Variants in BBS7 observed in about 807,000 individuals in gnomAD.
BBS7 encodes Bardet-Biedl syndrome 7.
Under a neutral mutation model 90.3 loss-of-function variants are expected in BBS7, and 50 were observed. That is an observed-to-expected ratio of 0.55 (90% CI 0.44 to 0.70). BBS7 has a LOEUF of 0.70. Ranked by LOEUF, BBS7 falls within the 30% of genes least tolerant of loss-of-function variation. BBS7 has a pLI of 0.00. For synonymous variants in BBS7, 235 were observed against 287.4 expected (o/e 0.82, Z 1.85); for missense variants, 729 against 838.9 (o/e 0.87, Z 1.62).
At position 121,868,684 on chromosome 4, in the gene BBS7, CAAAAAAA is replaced by C. The variant is rs34910805; in HGVS notation, c.37-645_37-639del. Among the ~76,000 whole-genome samples the C allele has an allele frequency of 2.4e-4, 12 of 49,688 alleles. 1 individual carries two copies. Among genetic ancestry groups the C allele is most frequent in the Admixed American group, 5.8e-4 (2 of 3,468 alleles). The allele number at this position is 49,688 out of a possible 152,430, so 32.6% of individuals were successfully genotyped here. ...TGCGTGACAGAACAAGACCCTGTTT[CAAAAAAA>C]AAAAAAAAAAAAAAAAAAAAAAAAA... On this transcript the variant is annotated intron_variant, in intron 1 of 18. Transcript: ENST00000264499.
Position 121,828,221 on chromosome 4 carries a change from G to T in BBS7, c.1939C>A (p.His647Asn). Reference sequence around the variant, plus strand: ...TGATCTGCCTCTTCTAGAATACAGTGATATTCTGGTATCAGAAAGTTCGTA... The same window carrying T: ...TGATCTGCCTCTTCTAGAATACAGTTATATTCTGGTATCAGAAAGTTCGTA... ...GNTNFLIPEYHCILEEADHLQ... is the reference protein window; with the variant it reads ...GNTNFLIPEYNCILEEADHLQ... The change falls in exon 18 of 19, where the codon CAC becomes AAC. Residue 647 changes from histidine (H) to asparagine (N), a missense_variant. His to Asn is a moderately conservative substitution (Grantham distance 68, BLOSUM62 1). Transcript: ENST00000264499. 1.2e-6 allele frequency: 2 copies of T among 1,613,576 alleles called. No individual in the cohort carries two copies. Among genetic ancestry groups the T allele is most frequent in the Non-Finnish European group, 1.7e-6 (2 of 1,179,654 alleles).
At chr4:121,864,090 T>C (rs1578571861) in intron 2 of BBS7, among the ~76,000 whole-genome samples, 2 of 152,270 alleles carry the variant, frequency 1.3e-5, no homozygotes, top group East Asian at 3.9e-4. Flanking sequence ...GTATGCTCCT[T>C]ATGAGAATCT....
At chr4:121,842,251 CAA>C (rs1270788731) in intron 12 of BBS7, among the ~76,000 whole-genome samples, 41 of 66,650 alleles carry the variant, frequency 6.2e-4, no homozygotes, top group African/African-American at 1.3e-3. Flanking sequence ...GACTCCATCT[CAA>C]AAAAAAAAAA....
rs764244818 is a variant in BBS7, at chr4:121,828,669, A to G, written c.1736T>C (p.Val579Ala). The G allele has an allele frequency of 1.2e-6, 2 of 1,610,520 alleles. No homozygotes were observed. The highest frequency in any genetic ancestry group is 2.7e-5 in the African/African-American group (2 of 74,854). The change falls in exon 16 of 19, where the codon GTG becomes GCG. Residue 579 changes from valine to alanine, a missense_variant. By Grantham distance (64) the Val-to-Ala change is moderately conservative (BLOSUM62 0). Transcript: ENST00000264499. ...NISTISILKD[V>A]LSKEATKRKI... ...CCTTTTTGTAGCTTCTTTAGAAAGC[A>G]CATCTTTTAGGATGGAGATAGTAGA...
At chr4:121,866,671 T>A (rs778004611) in intron 2 of BBS7, among the ~76,000 whole-genome samples, 3 of 152,182 alleles carry the variant, frequency 2.0e-5, no homozygotes, top group Non-Finnish European at 4.4e-5. Flanking sequence ...CCAGCACCAT[T>A]TATTGAAGAG....
intron 4 of BBS7, among the ~76,000 whole-genome samples, chr4:121,860,041 T>C (rs931252103): frequency 1.3e-5 from 2 of 152,118 alleles, no homozygotes; most frequent in Non-Finnish European, 1.5e-5. Flanking sequence ...CCAAGTTCTA[T>C]TAAAAAATTT....
At chr4:121,855,148 A>G (rs944559804) in intron 6 of BBS7, among the ~76,000 whole-genome samples, 4 of 151,970 alleles carry the variant, frequency 2.6e-5, no homozygotes, top group African/African-American at 7.2e-5. Context: ...CCCTGTCTCT[A>G]TAAAAAATAC....
rs1362604237 is a variant in BBS7 at position 121,835,195 on chromosome 4, T to G, written c.1460A>C (p.His487Pro). The G allele has an allele frequency of 6.2e-7, 1 of 1,613,964 alleles. No individual in the cohort carries two copies. The highest frequency in any genetic ancestry group is 1.1e-5 in the South Asian group (1 of 91,082). The change falls in exon 14 of 19, where the codon CAC becomes CCC. Residue 487 changes from histidine to proline, a missense_variant. Physicochemically the swap from His to Pro is moderately conservative, Grantham distance 77 (BLOSUM62 -2). Coordinates refer to ENST00000264499, the MANE Select transcript of BBS7 (RefSeq NM_176824.3). ...QPKTCQVRQY[H>P]IKPLSLHQRT... Reference sequence around the variant, plus strand: ...TTGATGGAGTGAAAGAGGTTTGATGTGGTACTGGCGGACCTGACAGGTTTT... The same window carrying G: ...TTGATGGAGTGAAAGAGGTTTGATGGGGTACTGGCGGACCTGACAGGTTTT...
intron 2 of BBS7, among the ~76,000 whole-genome samples, chr4:121,866,718 G>C (rs771410542): frequency 6.6e-6 from 1 of 152,086 alleles, no homozygotes; most frequent in African/African-American, 2.4e-5. Flanking sequence ...TGGCTCTTTT[G>C]TCAAAAATCA....
chr4:121,842,424 C>T (rs1725791651), intron 12 of BBS7, among the ~76,000 whole-genome samples: 1 of 151,758 alleles, frequency 6.6e-6, no homozygotes, highest in Non-Finnish European at 1.5e-5. Flanking sequence ...CACTTAGGCC[C>T]AGGAGTTTGA....
In BBS7 at chr4:121,858,932, A is replaced by G. The variant is rs1293062579; in HGVS notation, c.528+60T>C. The G allele has an allele frequency of 4.7e-6, 7 of 1,476,510 alleles. No individual in the cohort carries two copies. In the East Asian group the frequency reaches 1.1e-4, roughly 24 times the overall value. The allele number at this position is 1,476,510 out of a possible 1,614,324, so 91.5% of individuals were successfully genotyped here. On this transcript the variant is annotated intron_variant, in intron 5 of 18. Coordinates refer to ENST00000264499, the MANE Select transcript of BBS7 (RefSeq NM_176824.3). ...ACCACTAATTTATCTCAAGTACATAATGTTCATTGATATTCTTTCACATAA... is the reference window on the plus strand; with the variant it reads ...ACCACTAATTTATCTCAAGTACATAGTGTTCATTGATATTCTTTCACATAA...
intron 5 of BBS7, among the ~76,000 whole-genome samples, chr4:121,857,928 T>C (rs1183157971): frequency 6.6e-6 from 1 of 151,084 alleles, no homozygotes; most frequent in Non-Finnish European, 1.5e-5. Flanking sequence ...TGCTTCAGCC[T>C]CCTGAGTAAC....
chr4:121,850,702 C>G (rs1726271901), intron 8 of BBS7, among the ~76,000 whole-genome samples: 1 of 152,068 alleles, frequency 6.6e-6, no homozygotes, highest in African/African-American at 2.4e-5. Context: ...TTGAAAAACT[C>G]TGGTAGGTAG....
intron 14 of BBS7, 92 bp downstream of exon 14, chr4:121,835,051 AT>A: frequency 7.7e-7 from 1 of 1,299,442 alleles, no homozygotes; most frequent in Non-Finnish European, 1.1e-6. Context: ...AAAAGTAGAA[AT>A]TGCTAACAGA....
At chr4:121,861,811 T>C in intron 3 of BBS7, 132 bp from the exon 4 acceptor site, 1 of 858,320 alleles carries the variant, frequency 1.2e-6, no homozygotes, top group Non-Finnish European at 1.8e-6. Context: ...TAATTTTAGA[T>C]AATAATCTAT....
At chr4:121,847,342 A>G in intron 10 of BBS7, 62 bp downstream of exon 10, 1 of 1,111,036 alleles carries the variant, frequency 9.0e-7, no homozygotes, top group Non-Finnish European at 1.4e-6. Flanking sequence ...ATAAGTAATA[A>G]AAAGCAACAA....
At chr4:121,863,379 TTAA>T in intron 2 of BBS7, 100 bp from the exon 3 acceptor site, 1 of 1,017,888 alleles carries the variant, frequency 9.8e-7, no homozygotes, top group Admixed American at 2.2e-5. Flanking sequence ...AAATACTGAC[TTAA>T]TAGAGATCAG....
chr4:121,839,547 AAAT>A lies in BBS7; in HGVS notation c.1371+81_1371+83del, dbSNP rs1725619596. On this transcript the variant is annotated intron_variant, in intron 13 of 18. Coordinates refer to ENST00000264499, the MANE Select transcript of BBS7 (RefSeq NM_176824.3). ...TTTCAGGGAGAAATTAAATGCAAAC[AAAT>A]AATATCATATGTTGTAAGACATACC... is the stretch of plus-strand genomic sequence containing the variant. 4 of 1,138,562 alleles carry A rather than the reference AAAT, an allele frequency of 3.5e-6. No individual in the cohort carries two copies. In the South Asian group the frequency reaches 5.2e-5, roughly 15 times the overall value. The allele number at this position is 1,138,562 out of a possible 1,614,324, so 70.5% of individuals were successfully genotyped here. A position where few individuals can be genotyped will look rare whatever the true frequency, so the allele number is the denominator to read the frequency against.
chr4:121,831,839 C>A (rs1381803339), intron 15 of BBS7, among the ~76,000 whole-genome samples: 1 of 152,004 alleles, frequency 6.6e-6, no homozygotes, highest in Non-Finnish European at 1.5e-5. Context: ...ACAAGAGAAG[C>A]AAGAGGTATT....
Sources: gnomAD v4.1 joint callset for allele counts (sites outside exome capture counted in the v4.1 genomes callset) on GRCh38, gnomAD v4.1.1 for gene constraint, MANE v1.5 for transcripts, NCBI Gene and HGNC (gene_info 2026-07-23, HGNC 2026-07-21) for gene names.